NAV2: variants seen among roughly 807,000 people sequenced by gnomAD.
The protein encoded by NAV2 is neuron navigator 2.
NAV2 carries 54 observed loss-of-function variants against 223.2 expected under a neutral mutation model. The observed-to-expected ratio is 0.24, with a 90% CI of 0.19 to 0.30. The LOEUF (loss-of-function observed/expected upper bound fraction) is 0.30, where lower values mean the gene tolerates loss of function less well. Ranked by LOEUF, NAV2 falls within the 10% of genes least tolerant of loss-of-function variation. NAV2 has a pLI of 1.00. For missense variants in NAV2, 2,806 were observed against 3,147.5 expected (o/e 0.89, Z 2.60); for synonymous variants, 1,279 against 1,239.3 (o/e 1.03, Z -0.67).
intron 1 of NAV2, among the ~76,000 whole-genome samples, chr11:19,514,417 C>T (rs925916697): frequency 1.1e-4 from 16 of 152,288 alleles, no homozygotes; most frequent in Middle Eastern, 3.4e-3. Context: ...TTTTTACCGA[C>T]ATTTTAGGTG....
chr11:19,821,033 C>T (rs1379085645), intron 1 of NAV2, among the ~76,000 whole-genome samples: 2 of 152,126 alleles, frequency 1.3e-5, no homozygotes, highest in Non-Finnish European at 2.9e-5. Context: ...GAGGCCGAGG[C>T]GGGCAAATCA....
intron 8 of NAV2, among the ~76,000 whole-genome samples, chr11:19,944,705 T>TTTCCTTCCTTCCTTCCTTCCTTCCTTCC (rs369457220): frequency 2.3e-4 from 34 of 145,266 alleles, no homozygotes; most frequent in African/African-American, 8.7e-4. Context: ...TTCTTCCTTC[T>TTTCCTTCCTTCCTTCCTTCCTTCCTTCC]TTCCTTCCTT....
rs544691073 is a variant in NAV2, at chr11:19,819,698, C to T, written c.268-12786C>T. On this transcript the variant is annotated intron_variant, in intron 1 of 37. Transcript: ENST00000349880. ...AAGGAAACTAACAGTAAAGGCACCA[C>T]CTATGTGCTAAGCACTTTACAAACA... is the stretch of plus-strand genomic sequence containing the variant. 2.0e-5 allele frequency among the ~76,000 whole-genome samples: 3 copies of T among 152,326 alleles called. No individual in the cohort carries two copies. In the South Asian group the frequency reaches 6.2e-4, roughly 32 times the overall value.
Position 19,939,776 on chromosome 11 carries a change from G to A in NAV2, c.2146+3G>A. 2 of 1,611,232 alleles carry A rather than the reference G, an allele frequency of 1.2e-6. No individual in the cohort carries two copies. The highest frequency in any genetic ancestry group is 1.7e-6 in the Non-Finnish European group (2 of 1,177,620). On this transcript the variant is annotated splice_donor_region_variant and intron_variant, in intron 8 of 37. Coordinates refer to ENST00000349880, the MANE Select transcript of NAV2 (RefSeq NM_145117.5). ...GCCTGCTCTGGAAGAACTCACTGGT[G>A]AGTATGGAGCCTCAGAAATCTGTGT...
intron 2 of NAV2, among the ~76,000 whole-genome samples, chr11:19,836,401 C>CA (rs1169884431): frequency 6.6e-6 from 1 of 151,550 alleles, no homozygotes; most frequent in Non-Finnish European, 1.5e-5. Context: ...ACTAAAAATA[C>CA]AAAAAATTAG....
rs368492724 is a variant in NAV2, at chr11:20,044,250, C to A, written c.3177C>A (p.Gly1059=). 6 of 1,611,558 alleles carry A rather than the reference C, an allele frequency of 3.7e-6. No homozygotes were observed. The African/African-American group carries it at 5.3e-5, about 14-fold the overall frequency. Residue 1059 remains glycine (G), a synonymous_variant, in exon 13 of 38, where the codon GGC becomes GGA. Transcript: ENST00000349880. ...GGACGAAGCCTTCAGCCCCGGCAGG[C>A]GCACTGAAGACCCCAGGAACTGGTA... ...MPRTKPSAPA[G]ALKTPGTGKT...
Position 19,547,930 on chromosome 11 carries a change from G to T in NAV2, c.75+196903G>T, listed in dbSNP as rs1011252327. Among the ~76,000 whole-genome samples, 24 of 152,156 alleles carry T rather than the reference G, an allele frequency of 1.6e-4. 1 individual carries two copies. Among genetic ancestry groups the T allele is most frequent in the African/African-American group, 5.6e-4 (23 of 41,440 alleles). On this transcript the variant is annotated intron_variant, in intron 1 of 37. Transcript: ENST00000360655. ...AATGTTTCAATGTCTGGAACTTGGCGGACCCACAGAAATGTTTGAAGGATG... is the reference window on the plus strand; with the variant it reads ...AATGTTTCAATGTCTGGAACTTGGCTGACCCACAGAAATGTTTGAAGGATG...
chr11:19,815,506 G>A lies in NAV2; in HGVS notation c.268-16978G>A, dbSNP rs1054639312. Among the ~76,000 whole-genome samples, 4 of 152,354 alleles carry A rather than the reference G, an allele frequency of 2.6e-5. No individual in the cohort carries two copies. In the East Asian group the frequency reaches 7.7e-4, roughly 29 times the overall value. ...TTGGATGAACACATCTTATATGCCT[G>A]CATGGGAATTCCCATCCCATGCTGG... On this transcript the variant is annotated intron_variant, in intron 1 of 37. Transcript: ENST00000349880.
At chr11:19,369,410 C>A (rs796170367) in intron 1 of NAV2, among the ~76,000 whole-genome samples, 3 of 152,268 alleles carry the variant, frequency 2.0e-5, no homozygotes, top group African/African-American at 7.2e-5. Flanking sequence ...TCTGCCTGGT[C>A]TACTCTGTAT....
intron 1 of NAV2, among the ~76,000 whole-genome samples, chr11:19,791,561 A>T (rs2057522393): frequency 6.6e-6 from 1 of 152,180 alleles, no homozygotes; most frequent in South Asian, 2.1e-4. Context: ...ACTTGGTAGC[A>T]GAGTTGGGGT....
chr11:19,486,842 G>T (rs2042462071), intron 1 of NAV2, among the ~76,000 whole-genome samples: 1 of 152,130 alleles, frequency 6.6e-6, no homozygotes, highest in Admixed American at 6.5e-5. Flanking sequence ...GGAATGAATG[G>T]GTAGTTCTTC....
intron 1 of NAV2, among the ~76,000 whole-genome samples, chr11:19,657,758 A>G (rs2048168496): frequency 6.6e-6 from 1 of 152,166 alleles, no homozygotes; most frequent in African/African-American, 2.4e-5. Context: ...AAAGTGAGTC[A>G]GGGAGGCATG....
chr11:19,422,367 A>C (rs199802872), intron 1 of NAV2, among the ~76,000 whole-genome samples: 1 of 152,156 alleles, frequency 6.6e-6, no homozygotes. Flanking sequence ...TGGAACAGTG[A>C]GTTCAGTCTG....
At chr11:19,736,923 A>G (rs1360490491) in intron 1 of NAV2, among the ~76,000 whole-genome samples, 4 of 151,818 alleles carry the variant, frequency 2.6e-5, no homozygotes, top group Non-Finnish European at 4.4e-5. Context: ...CTACCAGGGG[A>G]AAAAAAAACT....
chr11:19,392,867 A>G lies in NAV2; in HGVS notation c.75+41840A>G, dbSNP rs891624330. 1.1e-4 allele frequency among the ~76,000 whole-genome samples: 16 copies of G among 152,308 alleles called. No homozygotes were observed. In the East Asian group the frequency reaches 2.7e-3, roughly 26 times the overall value. Reference sequence around the variant, plus strand: ...AGTTACAAGAGCAGCCTTAGGAAGTATGTTATCTTTCTTATTTACAATTGA... The same window carrying G: ...AGTTACAAGAGCAGCCTTAGGAAGTGTGTTATCTTTCTTATTTACAATTGA... On this transcript the variant is annotated intron_variant, in intron 1 of 37. Transcript: ENST00000360655.
intron 10 of NAV2, 28 bp downstream of exon 10, chr11:19,949,108 CAGAG>C (rs1321553649): frequency 6.4e-7 from 1 of 1,551,950 alleles, no homozygotes; most frequent in Non-Finnish European, 8.7e-7. Flanking sequence ...CCCTTTCTCC[CAGAG>C]AGAAAGAGGG....
intron 5 of NAV2, among the ~76,000 whole-genome samples, chr11:19,883,000 A>G (rs2063310796): frequency 6.6e-6 from 1 of 152,220 alleles, no homozygotes; most frequent in Non-Finnish European, 1.5e-5. Context: ...TAAGAATGAT[A>G]AAATTACATC....
At position 20,068,412 on chromosome 11, in the gene NAV2, T is replaced by C. The variant is rs758332308; in HGVS notation, c.4983+14T>C. On this transcript the variant is annotated intron_variant, in intron 22 of 37. Transcript: ENST00000349880. ...CTGACAGCAAATGTAAGTACAGACA[T>C]AGGGCAGTAGCATCGGGACAGGAAG... is the stretch of plus-strand genomic sequence containing the variant. 13 of 1,603,952 alleles carry C rather than the reference T, an allele frequency of 8.1e-6. No homozygotes were observed. The highest frequency in any genetic ancestry group is 1.3e-5 in the African/African-American group (1 of 74,622).
chr11:19,354,232 C>G (rs981709167), intron 1 of NAV2, among the ~76,000 whole-genome samples: 2 of 152,158 alleles, frequency 1.3e-5, no homozygotes, highest in Non-Finnish European at 2.9e-5. Flanking sequence ...TTTCTTGAAG[C>G]CTATGTTTTA....
Sources: gnomAD v4.1 joint callset for allele counts (sites outside exome capture counted in the v4.1 genomes callset) on GRCh38, gnomAD v4.1.1 for gene constraint, MANE v1.5 for transcripts, NCBI Gene and HGNC (gene_info 2026-07-23, HGNC 2026-07-21) for gene names.